REG3A: variants seen among roughly 807,000 people sequenced by gnomAD.
REG3A encodes regenerating family member 3 alpha, also known as regenerating islet-derived protein 3-alpha.
A neutral mutation model predicts 20.5 loss-of-function variants in REG3A; 15 were observed. That is an observed-to-expected ratio of 0.73 (90% CI 0.49 to 1.12). REG3A has a LOEUF of 1.12. REG3A is among the 50% of genes most tolerant of loss of function. The pLI is 0.00. For missense variants in REG3A, 224 were observed against 213.1 expected, an observed-to-expected ratio of 1.05 and a Z score of -0.32; for synonymous variants, 93 against 83.2, an observed-to-expected ratio of 1.12 and a Z score of -0.64.
intron 2 of REG3A, 198 bp from the exon 3 acceptor site, chr2:79,158,967 C>T (rs1673384307): frequency 1.7e-6 from 1 of 598,270 alleles, no homozygotes; most frequent in Non-Finnish European, 3.0e-6. Context: ...TCTTATTACC[C>T]TTTCCCCTTA....
rs757350010 is a variant in REG3A at position 79,157,205 on chromosome 2, G to T, written c.*21C>A. On this transcript the variant is annotated 3_prime_UTR_variant, in exon 6 of 6. Coordinates refer to ENST00000305165, the MANE Select transcript of REG3A (RefSeq NM_002580.3). Reference sequence around the variant, plus strand: ...ATGATGAGTTGCACACCAAACACAGGCTGCTGACTTCCCTCCTGCACTAGT... The same window carrying T: ...ATGATGAGTTGCACACCAAACACAGTCTGCTGACTTCCCTCCTGCACTAGT... 3 of 1,603,298 alleles carry T rather than the reference G, an allele frequency of 1.9e-6. No individual in the cohort carries two copies. Among genetic ancestry groups the T allele is most frequent in the Middle Eastern group, 1.7e-4 (1 of 6,036 alleles).
In REG3A at chr2:79,158,503, C is replaced by T. The variant is rs753283504; in HGVS notation, c.196-40G>A. 2.5e-6 allele frequency: 4 copies of T among 1,612,652 alleles called. No homozygotes were observed. In the South Asian group the frequency reaches 4.4e-5, roughly 18 times the overall value. ...AAGAGAATGAGAGGGAGCCTGAGAC[C>T]TGCTGAGGGAGGGCAGGGCAAAGGT... On this transcript the variant is annotated intron_variant, in intron 3 of 5. Coordinates refer to ENST00000305165, the MANE Select transcript of REG3A (RefSeq NM_002580.3).
intron 5 of REG3A, 64 bp downstream of exon 5, chr2:79,157,508 T>C: frequency 6.3e-7 from 1 of 1,593,916 alleles, no homozygotes; most frequent in Admixed American, 1.7e-5. Flanking sequence ...TTCCTGAAGG[T>C]CAGACCCAGG....
chr2:79,159,139 T>C (rs149324194), intron 2 of REG3A, 191 bp downstream of exon 2: 858 of 621,426 alleles, frequency 1.4e-3, no homozygotes, highest in Admixed American at 4.1e-3. Flanking sequence ...GCCATCTCAT[T>C]CCACTGTTAG....
At chr2:79,158,011 C>T (rs1366358260) in intron 4 of REG3A, among the ~76,000 whole-genome samples, 4 of 152,166 alleles carry the variant, frequency 2.6e-5, no homozygotes, top group African/African-American at 9.7e-5. Context: ...AAAATTGATC[C>T]TATCTTCATT....
In REG3A at chr2:79,157,254, A is replaced by C; in HGVS notation, c.500T>G (p.Leu167Ter). The change falls in exon 6 of 6, where the codon TTA becomes TGA. Residue 167 changes from leucine (L) to a stop codon, truncating the protein, a stop_gained. Coordinates refer to ENST00000305165, the MANE Select transcript of REG3A (RefSeq NM_002580.3). LOFTEE classifies it high-confidence loss of function. ...RWKDYNCNVR[L>*]PYVCKFTD ...GTCAGTGAACTTGCAGACATAGGGT[A>C]ACCTCACATTACAGTTATAATCTTT... is the stretch of plus-strand genomic sequence containing the variant. The C allele has an allele frequency of 6.2e-7, 1 of 1,614,034 alleles. No individual in the cohort carries two copies. The highest frequency in any genetic ancestry group is 2.2e-5 in the East Asian group (1 of 44,864).
Position 79,158,774 on chromosome 2 carries a change from G to A in REG3A, c.77-5C>T. The stretch of plus-strand genomic sequence containing the variant: ...GTTCCCTCTGGGGTTCTTCACCTGA[G>A]GTGGAAGAAGAGGGGGGAGGGTAAA... On this transcript the variant is annotated splice_region_variant and splice_polypyrimidine_tract_variant and intron_variant, in intron 2 of 5. Coordinates refer to ENST00000305165, the MANE Select transcript of REG3A (RefSeq NM_002580.3). 2 of 1,610,040 alleles carry A rather than the reference G, an allele frequency of 1.2e-6. No individual in the cohort carries two copies. The highest frequency in any genetic ancestry group is 1.7e-6 in the Non-Finnish European group (2 of 1,176,618).
chr2:79,157,820 A>G, intron 4 of REG3A, 122 bp from the exon 5 acceptor site: 1 of 1,278,968 alleles, frequency 7.8e-7, no homozygotes, highest in East Asian at 2.4e-5. Context: ...GCTATTCCAG[A>G]TGCTGCCGGT....
At chr2:79,157,384 G>C in intron 5 of REG3A, 91 bp from the exon 6 acceptor site, 1 of 1,461,584 alleles carries the variant, frequency 6.8e-7, no homozygotes, top group Non-Finnish European at 9.6e-7. Context: ...AGAAGTTAAA[G>C]CCTCTCCCTC....
rs1394409891 is a variant in REG3A, at chr2:79,157,113, T to C, written c.*113A>G. 2.6e-6 allele frequency: 2 copies of C among 776,320 alleles called. No homozygotes were observed. Among genetic ancestry groups the C allele is most frequent in the Non-Finnish European group, 4.5e-6 (2 of 443,258 alleles). 48.1% of individuals were successfully genotyped at this position (776,320 alleles called of 1,614,324 possible). ...AAACAGAAGAAAGATAAGAATGAGG[T>C]GGTCAGGTTGGGGGAATTAAGCGAA... On this transcript the variant is annotated 3_prime_UTR_variant, in exon 6 of 6. Coordinates refer to ENST00000305165, the MANE Select transcript of REG3A (RefSeq NM_002580.3).
rs558938315 is a variant in REG3A at position 79,157,085 on chromosome 2, A to C, written c.*141T>G. 1.5e-6 allele frequency: 1 copy of C among 688,910 alleles called. No individual in the cohort carries two copies. The highest frequency in any genetic ancestry group is 2.6e-6 in the Non-Finnish European group (1 of 388,916). The allele number at this position is 688,910 out of a possible 1,614,324, so 42.7% of individuals were successfully genotyped here. A position where few individuals can be genotyped will look rare whatever the true frequency, so the allele number is the denominator to read the frequency against. Reference sequence around the variant, plus strand: ...AGAGACTGAAATGACAGCGGGGAGGAAGAAACAGAAGAAAGATAAGAATGA... The same window carrying C: ...AGAGACTGAAATGACAGCGGGGAGGCAGAAACAGAAGAAAGATAAGAATGA... On this transcript the variant is annotated 3_prime_UTR_variant, in exon 6 of 6. Transcript: ENST00000305165.
intron 1 of REG3A, 71 bp from the exon 2 acceptor site, chr2:79,159,510 C>T (rs572852123): frequency 4.6e-6 from 5 of 1,084,744 alleles, no homozygotes; most frequent in Middle Eastern, 2.0e-4. Context: ...CTTCTCTAGT[C>T]CCCTAGGACT....
chr2:79,159,465 A>G, intron 1 of REG3A, 26 bp from the exon 2 acceptor site: 1 of 1,534,834 alleles, frequency 6.5e-7, no homozygotes, highest in Non-Finnish European at 9.0e-7. Context: ...TCAGTGGGAG[A>G]ACACACAGAT....
In REG3A at chr2:79,159,377, A is replaced by G. The variant is rs1673394298; in HGVS notation, c.29T>C (p.Val10Ala). Residue 10 changes from valine to alanine, a missense_variant, in exon 2 of 6, where the codon GTA becomes GCA. Val to Ala is a moderately conservative substitution (Grantham distance 64). Transcript: ENST00000305165. ...GAGGCAGGAAAGCAGCATCCAAGAT[A>G]CACTGGGCAGGGCCATGGGAGGCAG... is the stretch of plus-strand genomic sequence containing the variant. MLPPMALPS[V>A]SWMLLSCLML... 1 of 1,613,766 alleles carries G rather than the reference A, an allele frequency of 6.2e-7. No homozygotes were observed. The highest frequency in any genetic ancestry group is 8.5e-7 in the Non-Finnish European group (1 of 1,179,956).
intron 5 of REG3A, 103 bp downstream of exon 5, chr2:79,157,469 T>A (rs530190418): frequency 1.3e-6 from 2 of 1,531,104 alleles, no homozygotes; most frequent in African/African-American, 2.7e-5. Context: ...GAAGACACAC[T>A]AACATTGTAT....
rs138628628 is a variant in REG3A at position 79,159,067 on chromosome 2, C to A, written c.76+263G>T. The A allele has an allele frequency of 5.8e-4, 338 of 579,826 alleles. No homozygotes were observed. The African/African-American group carries it at 5.9e-3, about 10-fold the overall frequency. The allele number at this position is 579,826 out of a possible 1,614,324, so 35.9% of individuals were successfully genotyped here. On this transcript the variant is annotated intron_variant, in intron 2 of 5. Transcript: ENST00000305165. Reference sequence around the variant, plus strand: ...CTCCCCACATCTCATTACTGACCCTCCAGTGTATATTAGAGTCCACTTTCC... The same window carrying A: ...CTCCCCACATCTCATTACTGACCCTACAGTGTATATTAGAGTCCACTTTCC...
chr2:79,159,673 G>T, intron 1 of REG3A, 55 bp downstream of exon 1: 1 of 452,592 alleles, frequency 2.2e-6, no homozygotes, highest in Non-Finnish European at 4.0e-6. Context: ...GTATTCTCCT[G>T]TGTCATGTGC....
At chr2:79,159,248 A>C in intron 2 of REG3A, 82 bp downstream of exon 2, 1 of 1,425,694 alleles carries the variant, frequency 7.0e-7, no homozygotes, top group East Asian at 2.3e-5. Flanking sequence ...TCATTACCTC[A>C]CATGACACAC....
Position 79,158,411 on chromosome 2 carries a change from G to T in REG3A, c.248C>A (p.Ala83Asp). ...CAGGGAGGACACGAAGGATCCCTCA[G>T]CCCCACTGAGCACAGACACCAGGTT... ...SGNLVSVLSG[A>D]EGSFVSSLVK... Residue 83 changes from alanine (A) to aspartate (D), a missense_variant, in exon 4 of 6, where the codon GCT (alanine) becomes GAT (aspartate). Ala to Asp is a moderately radical substitution (Grantham distance 126). Coordinates refer to ENST00000305165, the MANE Select transcript of REG3A (RefSeq NM_002580.3). 6.2e-7 allele frequency: 1 copy of T among 1,614,162 alleles called. No individual in the cohort carries two copies. Among genetic ancestry groups the T allele is most frequent in the Non-Finnish European group, 8.5e-7 (1 of 1,180,024 alleles).
Sources: allele counts gnomAD v4.1 joint callset (sites outside exome capture counted in the v4.1 genomes callset), GRCh38; gene constraint gnomAD v4.1.1; transcripts MANE v1.5; gene names NCBI Gene and HGNC (gene_info 2026-07-23, HGNC 2026-07-21).